FBXO15: variants seen among roughly 807,000 people sequenced by gnomAD.
FBXO15 encodes the protein F-box only protein 15.
A neutral mutation model predicts 49.5 loss-of-function variants in FBXO15; 30 were observed. That is an observed-to-expected ratio of 0.61 (90% CI 0.45 to 0.82). The LOEUF is 0.82. Among genes scored for constraint, FBXO15 ranks in the 40% least tolerant of loss-of-function variants. The pLI is 0.00. For missense variants in FBXO15, 591 were observed against 631.5 expected, an observed-to-expected ratio of 0.94 and a Z score of 0.69; for synonymous variants, 250 against 232.7, an observed-to-expected ratio of 1.07 and a Z score of -0.68.
At chr18:74,095,057 C>A (rs371923252) in intron 8 of FBXO15, among the ~76,000 whole-genome samples, 1 of 152,254 alleles carries the variant, frequency 6.6e-6, no homozygotes, top group African/African-American at 2.4e-5. Context: ...TTTTCTTCTG[C>A]AGCTTCCTAC....
chr18:74,129,966 T>C lies in FBXO15; in HGVS notation c.576-352A>G, dbSNP rs1028587775. ...AGGCTACTTACTAGTTATCCCTCTG[T>C]CTCCGCAAGAAATTGGTTCTAGGAA... On this transcript the variant is annotated intron_variant, in intron 4 of 9. Coordinates refer to ENST00000419743, the MANE Select transcript of FBXO15 (RefSeq NM_001142958.2). 1.2e-4 allele frequency among the ~76,000 whole-genome samples: 19 copies of C among 152,188 alleles called. 1 individual carries two copies. Among genetic ancestry groups the C allele is most frequent in the African/African-American group, 4.1e-4 (17 of 41,448 alleles).
chr18:74,086,352 C>A (rs1206495200), intron 8 of FBXO15, among the ~76,000 whole-genome samples: 1 of 152,208 alleles, frequency 6.6e-6, no homozygotes, highest in Non-Finnish European at 1.5e-5. Context: ...CAATCTCCTA[C>A]CTCTGAGGCC....
rs576253956 is a variant in FBXO15, at chr18:74,123,589, A to C, written c.996-79T>G. ...TCTTGGTTTGAAAATACTTTTTAAA[A>C]AATTACCATCTGTATCAAAGCACTA... On this transcript the variant is annotated intron_variant, in intron 7 of 9. Coordinates refer to ENST00000419743, the MANE Select transcript of FBXO15 (RefSeq NM_001142958.2). 4.4e-5 allele frequency: 65 copies of C among 1,468,784 alleles called. No individual in the cohort carries two copies. The South Asian group carries it at 8.1e-4, about 18-fold the overall frequency. The allele number at this position is 1,468,784 out of a possible 1,614,324, so 91.0% of individuals were successfully genotyped here.
At chr18:74,092,042 T>C (rs1339519734) in intron 8 of FBXO15, among the ~76,000 whole-genome samples, 4 of 152,238 alleles carry the variant, frequency 2.6e-5, no homozygotes, top group Non-Finnish European at 5.9e-5. Context: ...TTGGTCTCTT[T>C]AATCCCATAT....
chr18:74,135,930 C>G lies in FBXO15; in HGVS notation c.228-64G>C, dbSNP rs1978690392. 4 of 1,342,206 alleles carry G rather than the reference C, an allele frequency of 3.0e-6. No individual in the cohort carries two copies. In the South Asian group the frequency reaches 3.9e-5, roughly 13 times the overall value. 83.1% of individuals were successfully genotyped at this position (1,342,206 alleles called of 1,614,324 possible). The stretch of plus-strand genomic sequence containing the variant: ...GGACCAGGGCTTAATCTGCAGATTA[C>G]CCAGAAAACAACTGGCTGCTCATCT... On this transcript the variant is annotated intron_variant, in intron 2 of 9. Transcript: ENST00000419743.
chr18:74,126,025 G>C lies in FBXO15; in HGVS notation c.862C>G (p.Leu288Val), dbSNP rs140794930. ...TISTMIGCDR[L>V]IRIFCLHPGL... ...GGGTGCAGGCAGAAGATCCGAATGAGTCTGTCACAGCCAATCATGGTAGAT... is the reference window on the plus strand; with the variant it reads ...GGGTGCAGGCAGAAGATCCGAATGACTCTGTCACAGCCAATCATGGTAGAT... Residue 288 changes from leucine (L) to valine (V), a missense_variant, in exon 6 of 10, where the codon CTC (leucine) becomes GTC (valine). Transcript: ENST00000419743. 111 of 1,614,124 alleles carry C rather than the reference G, an allele frequency of 6.9e-5. No individual in the cohort carries two copies. The African/African-American group carries it at 1.4e-3, about 20-fold the overall frequency.
chr18:74,139,164 C>T (rs980813886), intron 2 of FBXO15, among the ~76,000 whole-genome samples: 8 of 152,192 alleles, frequency 5.3e-5, no homozygotes, highest in Admixed American at 2.0e-4. Flanking sequence ...TTCCTCACCA[C>T]GCCACCCCAT....
At chr18:74,138,375 CT>C (rs1320128994) in intron 2 of FBXO15, among the ~76,000 whole-genome samples, 5 of 152,156 alleles carry the variant, frequency 3.3e-5, no homozygotes, top group Non-Finnish European at 7.3e-5. Flanking sequence ...CTGCTGCCTC[CT>C]CCCCCCGCCT....
At position 74,135,816 on chromosome 18, in the gene FBXO15, C is replaced by T; in HGVS notation, c.278G>A (p.Ser93Asn). 6.2e-7 allele frequency: 1 copy of T among 1,612,692 alleles called. No individual in the cohort carries two copies. ...LKIFSYLDAV[S>N]LLCTGCVSRR... The stretch of plus-strand genomic sequence containing the variant: ...GCTCACACATCCAGTACACAGAAGG[C>T]TCACAGCATCCAAGTAGGAAAATAT... Residue 93 changes from serine (S) to asparagine (N), a missense_variant, in exon 3 of 10, where the codon AGC becomes AAC. By Grantham distance (46) the Ser-to-Asn change is conservative. Coordinates refer to ENST00000419743, the MANE Select transcript of FBXO15 (RefSeq NM_001142958.2).
At chr18:74,136,294 G>A (rs961291724) in intron 2 of FBXO15, among the ~76,000 whole-genome samples, 6 of 152,114 alleles carry the variant, frequency 3.9e-5, no homozygotes, top group African/African-American at 1.2e-4. Flanking sequence ...CCATTCTCCC[G>A]CCTCAGCCTC....
chr18:74,123,633 C>T (rs1297743756), intron 7 of FBXO15, 123 bp from the exon 8 acceptor site: 3 of 1,014,858 alleles, frequency 3.0e-6, no homozygotes, highest in Non-Finnish European at 4.2e-6. Flanking sequence ...AAATGAAACT[C>T]CATAGGATTC....
Position 74,136,314 on chromosome 18 carries a change from T to C in FBXO15, c.228-448A>G, listed in dbSNP as rs540997985. On this transcript the variant is annotated intron_variant, in intron 2 of 9. Transcript: ENST00000419743. Reference sequence around the variant, plus strand: ...CTCCCGCCTCAGCCTCCCCAGCAGCTGGACTACAGGCGCACGCCGCCAAGC... The same window carrying C: ...CTCCCGCCTCAGCCTCCCCAGCAGCCGGACTACAGGCGCACGCCGCCAAGC... 3.3e-5 allele frequency among the ~76,000 whole-genome samples: 5 copies of C among 152,318 alleles called. 1 individual carries two copies. The highest frequency in any genetic ancestry group is 1.2e-4 in the African/African-American group (5 of 41,580).
intron 8 of FBXO15, among the ~76,000 whole-genome samples, chr18:74,117,515 G>T (rs1390683533): frequency 2.0e-5 from 3 of 151,986 alleles, no homozygotes; most frequent in Admixed American, 1.3e-4. Context: ...CATTTAAAAG[G>T]CAAAAATATA....
chr18:74,102,296 A>T (rs1913557053), intron 8 of FBXO15, among the ~76,000 whole-genome samples: 2 of 152,186 alleles, frequency 1.3e-5, no homozygotes, highest in African/African-American at 4.8e-5. Flanking sequence ...TGGGCTAAGG[A>T]TATGAATAGA....
chr18:74,125,410 C>A (rs182071972), intron 6 of FBXO15, among the ~76,000 whole-genome samples: 1 of 152,308 alleles, frequency 6.6e-6, no homozygotes, highest in East Asian at 1.9e-4. Context: ...TAATGCATAA[C>A]GCCAACTCAG....
At chr18:74,115,146 A>G (rs1355904473) in intron 8 of FBXO15, among the ~76,000 whole-genome samples, 1 of 152,206 alleles carries the variant, frequency 6.6e-6, no homozygotes, top group Non-Finnish European at 1.5e-5. Context: ...CTTAGTGTCC[A>G]CTGGCCTGGG....
rs1912221526 is a variant in FBXO15, at chr18:74,075,509, C to G, written c.1264-1779G>C. ...GAGAGAGGGAAACAGCCTCCCTGGG[C>G]CCCGCAGGCCCCTGCTCTTTCCTCG... On this transcript the variant is annotated intron_variant, in intron 9 of 9. Transcript: ENST00000419743. This position sits in a 1 kb window ranked among gnomAD's most constrained non-coding sequence, Gnocchi z 4.1. 6.6e-6 allele frequency among the ~76,000 whole-genome samples: 1 copy of G among 152,234 alleles called. No individual in the cohort carries two copies. Among genetic ancestry groups the G allele is most frequent in the Admixed American group, 6.5e-5 (1 of 15,288 alleles).
chr18:74,144,681 T>C (rs943751138), intron 1 of FBXO15, among the ~76,000 whole-genome samples: 1 of 152,186 alleles, frequency 6.6e-6, no homozygotes, highest in African/African-American at 2.4e-5. Flanking sequence ...CATAAAAATG[T>C]ATTATATTAT....
intron 8 of FBXO15, among the ~76,000 whole-genome samples, chr18:74,082,991 G>A (rs1912570285): frequency 6.6e-6 from 1 of 152,218 alleles, no homozygotes; most frequent in South Asian, 2.1e-4. Context: ...CTCTAGAAAT[G>A]TTATACAGTG....
Sources: allele counts gnomAD v4.1 joint callset (sites outside exome capture counted in the v4.1 genomes callset), GRCh38; gene constraint gnomAD v4.1.1; non-coding constraint Gnocchi (gnomAD v3.1); transcripts MANE v1.5; gene names NCBI Gene and HGNC (gene_info 2026-07-23, HGNC 2026-07-21).